Variants in CTNNA2 observed in about 807,000 individuals in gnomAD.
CTNNA2 encodes the protein catenin alpha 2, also known as catenin alpha-2.
A neutral mutation model predicts 101.0 loss-of-function variants in CTNNA2; 42 were observed. The ratio of observed to expected loss-of-function variants is 0.42; its 90% CI spans 0.32 to 0.54. The LOEUF (loss-of-function observed/expected upper bound fraction) is 0.54. Among genes scored for constraint, CTNNA2 ranks in the 20% least tolerant of loss-of-function variants. The pLI is 0.14. For missense variants in CTNNA2, 871 were observed against 1,223.1 expected (o/e 0.71, Z 4.29); for synonymous variants, 450 against 456.4 (o/e 0.99, Z 0.18).
intron 7 of CTNNA2, among the ~76,000 whole-genome samples, chr2:80,189,299 C>G (rs1706326285): frequency 6.6e-6 from 1 of 152,090 alleles, no homozygotes; most frequent in Non-Finnish European, 1.5e-5. Context: ...GAGTACTGGG[C>G]CTGGTCAGAA....
rs114362101 is a variant in CTNNA2 at position 79,730,326 on chromosome 2, C to A, written c.103-14061C>A. On this transcript the variant is annotated intron_variant, in intron 2 of 18. Coordinates refer to ENST00000402739, the MANE Select transcript of CTNNA2 (RefSeq NM_001282597.3). The stretch of plus-strand genomic sequence containing the variant: ...TTCTATTAAGCAAAGAGCAAGGTGG[C>A]ATTATTAATCATGGTTTATTTTAAT... Among the ~76,000 whole-genome samples the A allele has an allele frequency of 7.2e-3, 1,101 of 152,078 alleles. 13 individuals carry two copies. The highest frequency in any genetic ancestry group is 0.025 in the African/African-American group (1,055 of 41,534).
At chr2:80,355,914 A>G (rs1412059720) in intron 7 of CTNNA2, among the ~76,000 whole-genome samples, 1 of 152,024 alleles carries the variant, frequency 6.6e-6, no homozygotes, top group East Asian at 1.9e-4. Context: ...TGCTGGGTAA[A>G]TAGCACAGTC....
At chr2:79,620,657 G>A (rs1678935395) in intron 1 of CTNNA2, among the ~76,000 whole-genome samples, 1 of 152,156 alleles carries the variant, frequency 6.6e-6, no homozygotes, top group Admixed American at 6.5e-5. Context: ...GTAGCAAAAG[G>A]CTGGCTAAGG....
At chr2:80,445,125 G>C (rs1440737100) in intron 9 of CTNNA2, among the ~76,000 whole-genome samples, 1 of 151,954 alleles carries the variant, frequency 6.6e-6, no homozygotes. Context: ...TGCAAGTTTA[G>C]GTTTTATGTT....
Position 79,910,051 on chromosome 2 carries a change from C to A in CTNNA2, c.1056+254C>A, listed in dbSNP as rs1466269054. Among the ~76,000 whole-genome samples, 7 of 152,100 alleles carry A rather than the reference C, an allele frequency of 4.6e-5. No individual in the cohort carries two copies. The South Asian group carries it at 8.3e-4, about 18-fold the overall frequency. ...CTTTCACTTTTTACTTGGCTGATTTCTTCTCGGTCATTTTAGTGGCTGCAT... is the reference window on the plus strand; with the variant it reads ...CTTTCACTTTTTACTTGGCTGATTTATTCTCGGTCATTTTAGTGGCTGCAT... On this transcript the variant is annotated intron_variant, in intron 7 of 18. Coordinates refer to ENST00000402739, the MANE Select transcript of CTNNA2 (RefSeq NM_001282597.3).
At chr2:79,266,772 A>G (rs536805166) in intron 2 of CTNNA2, among the ~76,000 whole-genome samples, 1 of 152,204 alleles carries the variant, frequency 6.6e-6, no homozygotes, top group Admixed American at 6.5e-5. Context: ...AGAGATATGA[A>G]TACAAGCTTT....
intron 2 of CTNNA2, among the ~76,000 whole-genome samples, chr2:79,687,011 A>G (rs1376696209): frequency 6.6e-6 from 1 of 152,124 alleles, no homozygotes; most frequent in Non-Finnish European, 1.5e-5. Flanking sequence ...CTTTATGGGA[A>G]GCCAAATCAT....
At chr2:79,978,246 C>T (rs1404026885) in intron 7 of CTNNA2, among the ~76,000 whole-genome samples, 1 of 152,112 alleles carries the variant, frequency 6.6e-6, no homozygotes, top group Non-Finnish European at 1.5e-5. Flanking sequence ...GCACGGATTA[C>T]TTGGGTCAAA....
At chr2:79,629,849 C>CAA (rs1679571474) in intron 1 of CTNNA2, among the ~76,000 whole-genome samples, 1 of 152,026 alleles carries the variant, frequency 6.6e-6, no homozygotes, top group Admixed American at 6.6e-5. Flanking sequence ...GAGAGGCTGT[C>CAA]CCTCCAGAGC....
At chr2:79,488,687 C>T (rs151310313) in intron 4 of CTNNA2, among the ~76,000 whole-genome samples, 1 of 152,204 alleles carries the variant, frequency 6.6e-6, no homozygotes, top group East Asian at 1.9e-4. Flanking sequence ...AAAATCTTTC[C>T]ACTGGGCTCT....
intron 4 of CTNNA2, 33 bp from the exon 5 acceptor site, chr2:79,869,783 C>T (rs1289099387): frequency 1.3e-5 from 21 of 1,597,638 alleles, no homozygotes; most frequent in Non-Finnish European, 1.7e-5. Context: ...AAATACTATC[C>T]ACTAATAAAT....
intron 7 of CTNNA2, among the ~76,000 whole-genome samples, chr2:80,068,094 G>A (rs1025335753): frequency 2.0e-5 from 3 of 152,156 alleles, no homozygotes; most frequent in African/African-American, 7.2e-5. Context: ...GATAAATAAC[G>A]AATATGCTTG....
intron 4 of CTNNA2, among the ~76,000 whole-genome samples, chr2:79,504,353 G>A (rs1490190042): frequency 6.6e-6 from 1 of 151,982 alleles, no homozygotes; most frequent in African/African-American, 2.4e-5. Flanking sequence ...GCAGTGGTGT[G>A]ATCTCAGCTC....
intron 7 of CTNNA2, among the ~76,000 whole-genome samples, chr2:80,285,992 T>A (rs1027293154): frequency 2.0e-5 from 3 of 152,164 alleles, no homozygotes; most frequent in African/African-American, 7.2e-5. Context: ...CCATAAAGAT[T>A]TTCTTACAGT....
At chr2:79,520,746 C>T (rs189120139) in intron 1 of CTNNA2, among the ~76,000 whole-genome samples, 24 of 151,968 alleles carry the variant, frequency 1.6e-4, no homozygotes, top group Admixed American at 2.6e-4. Context: ...TATAATTCAC[C>T]GAAATAATTA....
intron 9 of CTNNA2, among the ~76,000 whole-genome samples, chr2:80,499,185 G>A (rs762859981): frequency 1.3e-5 from 2 of 152,118 alleles, no homozygotes; most frequent in Non-Finnish European, 2.9e-5. Context: ...AGTAAGCCGA[G>A]AAAGGAGTTA....
Position 79,531,584 on chromosome 2 carries a change from C to T in CTNNA2, c.-6+18377C>T, listed in dbSNP as rs1045925880. 4.6e-5 allele frequency among the ~76,000 whole-genome samples: 7 copies of T among 151,898 alleles called. 1 individual carries two copies. Among genetic ancestry groups the T allele is most frequent in the Admixed American group, 4.6e-4 (7 of 15,196 alleles). On this transcript the variant is annotated intron_variant, in intron 1 of 18. Coordinates refer to ENST00000402739, the MANE Select transcript of CTNNA2 (RefSeq NM_001282597.3). ...TGTCCAAGGACTTTAGCTTAAGGTC[C>T]AAAAGAGGCAAGGTGTGTAAGCATT...
At chr2:80,261,234 T>A (rs1039576616) in intron 7 of CTNNA2, among the ~76,000 whole-genome samples, 2 of 152,304 alleles carry the variant, frequency 1.3e-5, no homozygotes, top group Non-Finnish European at 2.9e-5. Flanking sequence ...TAACTTTATT[T>A]TTTTAGTGTG....
chr2:80,353,434 C>T (rs1271054944), intron 7 of CTNNA2, among the ~76,000 whole-genome samples: 6 of 152,136 alleles, frequency 3.9e-5, no homozygotes, highest in Admixed American at 2.6e-4. Flanking sequence ...ATCTTGTTAA[C>T]TATTCTCTCC....
Sources: gnomAD v4.1 joint callset for allele counts (sites outside exome capture counted in the v4.1 genomes callset) on GRCh38, gnomAD v4.1.1 for gene constraint, MANE v1.5 for transcripts, NCBI Gene and HGNC (gene_info 2026-07-23, HGNC 2026-07-21) for gene names.